The following CHRDL2 variants were observed in gnomAD, a reference collection of about 807,000 sequenced individuals.
CHRDL2 encodes the protein chordin-like protein 2.
A neutral mutation model predicts 54.3 loss-of-function variants in CHRDL2; 41 were observed. The observed-to-expected ratio is 0.76, with a 90% CI of 0.59 to 0.98. CHRDL2 has a LOEUF of 0.98. CHRDL2 is among the 50% of genes least tolerant of loss of function. The pLI is 0.00. For missense variants in CHRDL2, 518 were observed against 562.4 expected, an observed-to-expected ratio of 0.92 and a Z score of 0.80; for synonymous variants, 220 against 224.3, an observed-to-expected ratio of 0.98 and a Z score of 0.17.
In CHRDL2 at chr11:74,705,167, G is replaced by C. The variant is rs199581901; in HGVS notation, c.583-513C>G. 6.6e-5 allele frequency among the ~76,000 whole-genome samples: 10 copies of C among 152,116 alleles called. No individual in the cohort carries two copies. The East Asian group carries it at 1.9e-3, about 29-fold the overall frequency. ...GAGCAGGCCCCATCCAGAGACAAAG[G>C]GTCTCTGAAGCTTAGGCTCTCTTTC... On this transcript the variant is annotated intron_variant, in intron 6 of 10. Transcript: ENST00000376332.
At chr11:74,702,555 TCC>T (rs1350693788) in intron 9 of CHRDL2, among the ~76,000 whole-genome samples, 1 of 151,910 alleles carries the variant, frequency 6.6e-6, no homozygotes, top group Non-Finnish European at 1.5e-5. Flanking sequence ...AACAGCGCCT[TCC>T]CCCCAGGAGA....
At chr11:74,706,655 TGCA>T in intron 5 of CHRDL2, 113 bp from the exon 6 acceptor site, 1 of 960,508 alleles carries the variant, frequency 1.0e-6, no homozygotes, top group Non-Finnish European at 1.6e-6. Context: ...CTGTCCCATC[TGCA>T]GCCCCAGCCC....
At chr11:74,704,335 A>C (rs1041176637) in intron 7 of CHRDL2, 151 bp downstream of exon 7, 38 of 626,512 alleles carry the variant, frequency 6.1e-5, no homozygotes, top group Admixed American at 8.4e-5. Flanking sequence ...ACCCTCATTC[A>C]GTTTTGGCGT....
At chr11:74,728,259 AT>A (rs1341400842) in intron 1 of CHRDL2, among the ~76,000 whole-genome samples, 1 of 152,138 alleles carries the variant, frequency 6.6e-6, no homozygotes, top group Non-Finnish European at 1.5e-5. Flanking sequence ...AGACTTGAAC[AT>A]TTCCATCCGT....
chr11:74,728,425 T>C (rs1350240852), intron 1 of CHRDL2, among the ~76,000 whole-genome samples: 1 of 152,218 alleles, frequency 6.6e-6, no homozygotes, highest in Non-Finnish European at 1.5e-5. Flanking sequence ...TCATAGGCTG[T>C]CAGCACCAAA....
chr11:74,708,858 C>T (rs2034098544), intron 4 of CHRDL2, among the ~76,000 whole-genome samples: 1 of 152,168 alleles, frequency 6.6e-6, no homozygotes, highest in Admixed American at 6.5e-5. Flanking sequence ...CTTTGGGATC[C>T]AGCCTTGAAA....
Position 74,703,386 on chromosome 11 carries a change from A to C in CHRDL2, c.865T>G (p.Cys289Gly). The C allele has an allele frequency of 6.2e-7, 1 of 1,613,708 alleles. No homozygotes were observed. The highest frequency in any genetic ancestry group is 8.5e-7 in the Non-Finnish European group (1 of 1,179,932). ...LCTCEDGRQD[C>G]QRVTCPTEYP... ...TCGGTGGGACAGGTCACACGCTGGC[A>C]GTCCTGGCGGCCATCCTCACAGGTG... Residue 289 changes from cysteine (C) to glycine (G), a missense_variant, in exon 8 of 11, where the codon TGC becomes GGC. Cys to Gly is a radical substitution (Grantham distance 159, BLOSUM62 -3). Transcript: ENST00000376332.
chr11:74,730,453 G>A (rs1205151159), intron 1 of CHRDL2, among the ~76,000 whole-genome samples: 2 of 152,086 alleles, frequency 1.3e-5, no homozygotes, highest in African/African-American at 4.8e-5. Flanking sequence ...TCTTTCCAAA[G>A]GCAAAAAGCC....
At chr11:74,717,268 T>C (rs998516142) in intron 2 of CHRDL2, among the ~76,000 whole-genome samples, 10 of 152,070 alleles carry the variant, frequency 6.6e-5, no homozygotes, top group Non-Finnish European at 1.2e-4. Context: ...AGTGGAGGGA[T>C]TGAGGGTATA....
At chr11:74,701,328 C>T (rs2033800847) in intron 9 of CHRDL2, 1 of 389,920 alleles carries the variant, frequency 2.6e-6, no homozygotes, top group East Asian at 3.7e-5. Context: ...TGGATTCAAA[C>T]TGGCAGAGTT....
chr11:74,728,202 C>G (rs1186788557), intron 1 of CHRDL2, among the ~76,000 whole-genome samples: 1 of 152,192 alleles, frequency 6.6e-6, no homozygotes, highest in Non-Finnish European at 1.5e-5. Flanking sequence ...TTCACAGGCC[C>G]TTGGCATTCT....
intron 1 of CHRDL2, among the ~76,000 whole-genome samples, chr11:74,723,906 T>C (rs1434939976): frequency 2.0e-5 from 3 of 152,184 alleles, no homozygotes; most frequent in East Asian, 1.9e-4. Flanking sequence ...ACCTCAGAAA[T>C]TGAAACCATG....
intron 1 of CHRDL2, among the ~76,000 whole-genome samples, chr11:74,725,238 G>A (rs1003430012): frequency 2.6e-5 from 4 of 151,990 alleles, no homozygotes; most frequent in South Asian, 2.1e-4. Flanking sequence ...TGATCCACCC[G>A]CCAGGGCCTC....
At chr11:74,712,243 G>A (rs2034215259) in intron 3 of CHRDL2, among the ~76,000 whole-genome samples, 1 of 152,118 alleles carries the variant, frequency 6.6e-6, no homozygotes, top group Admixed American at 6.5e-5. Flanking sequence ...GCAGAGAGGA[G>A]GAGCCTCTAA....
At chr11:74,714,076 C>T (rs776105462) in intron 2 of CHRDL2, among the ~76,000 whole-genome samples, 3 of 152,044 alleles carry the variant, frequency 2.0e-5, no homozygotes, top group Admixed American at 6.5e-5. Flanking sequence ...GGCGAACATA[C>T]GCAGAGAGAG....
chr11:74,720,834 A>C (rs554717328), intron 1 of CHRDL2, among the ~76,000 whole-genome samples: 60 of 152,300 alleles, frequency 3.9e-4, no homozygotes, highest in Middle Eastern at 6.8e-3. Context: ...CTCATGGGCC[A>C]TTCCTAACCA....
rs557510247 is a variant in CHRDL2 at position 74,703,053 on chromosome 11, C to T, written c.947-86G>A. 5.5e-5 allele frequency: 75 copies of T among 1,352,676 alleles called. No individual in the cohort carries two copies. In the Middle Eastern group the frequency reaches 5.7e-4, roughly 10 times the overall value. 83.8% of individuals were successfully genotyped at this position (1,352,676 alleles called of 1,614,324 possible). A position where few individuals can be genotyped will look rare whatever the true frequency, so the allele number is the denominator to read the frequency against. ...CTAATATTCTAAAATGTTGTGACTT[C>T]ATGGAATCCGGAACATTACTGATTC... On this transcript the variant is annotated intron_variant, in intron 8 of 10. Coordinates refer to ENST00000376332, the MANE Select transcript of CHRDL2 (RefSeq NM_001278473.3).
intron 9 of CHRDL2, chr11:74,699,623 G>A (rs965484785): frequency 1.3e-5 from 2 of 152,236 alleles, no homozygotes; most frequent in East Asian, 3.8e-4. Flanking sequence ...TTGAGACCCC[G>A]ACATCCTTTC....
intron 6 of CHRDL2, among the ~76,000 whole-genome samples, chr11:74,705,274 G>A (rs897308360): frequency 3.9e-5 from 6 of 152,216 alleles, no homozygotes; most frequent in Non-Finnish European, 2.9e-5. Flanking sequence ...AGCAATAGGA[G>A]TGTGGCGAGG....
Sources: allele counts gnomAD v4.1 joint callset (sites outside exome capture counted in the v4.1 genomes callset), GRCh38; gene constraint gnomAD v4.1.1; transcripts MANE v1.5; gene names NCBI Gene and HGNC (gene_info 2026-07-23, HGNC 2026-07-21).